The following CRBN variants were observed in gnomAD, a reference collection of about 807,000 sequenced individuals.
CRBN encodes cereblon, also known as protein cereblon.
CRBN carries 53 observed loss-of-function variants against 62.2 expected under a neutral mutation model. The ratio of observed to expected loss-of-function variants is 0.85; its 90% CI spans 0.68 to 1.07. The LOEUF (loss-of-function observed/expected upper bound fraction) is 1.07. Among genes scored for constraint, CRBN ranks in the 50% least tolerant of loss-of-function variants. CRBN has a pLI of 0.00. For synonymous variants in CRBN, 208 were observed against 176.1 expected (o/e 1.18, Z -1.43); for missense variants, 616 against 531.1 (o/e 1.16, Z -1.57).
At chr3:3,155,658 T>C (rs924137321) in intron 6 of CRBN, 1 of 154,180 alleles carries the variant, frequency 6.5e-6, no homozygotes, top group African/African-American at 2.4e-5. Flanking sequence ...CATTAATTAA[T>C]AGACTAATGA....
chr3:3,152,591 A>C lies in CRBN; in HGVS notation c.1017-4T>G, dbSNP rs373107124. On this transcript the variant is annotated splice_polypyrimidine_tract_variant and splice_region_variant and intron_variant, in intron 9 of 10. Transcript: ENST00000231948. ...CATCGGCCCACATAAGGATAAACTA[A>C]AACAAAGAATCAACATGGAGAACAC... 556 of 1,614,082 alleles carry C rather than the reference A, an allele frequency of 3.4e-4. 4 individuals carry two copies. In the South Asian group the frequency reaches 4.9e-3, roughly 14 times the overall value.
chr3:3,159,375 A>G (rs1707043291), intron 5 of CRBN, among the ~76,000 whole-genome samples: 1 of 152,226 alleles, frequency 6.6e-6, no homozygotes, highest in African/African-American at 2.4e-5. Context: ...CACACTCCTC[A>G]TTCAGTTATT....
At chr3:3,155,018 T>C (rs1224214637) in intron 6 of CRBN, 187 bp from the exon 7 acceptor site, 7 of 604,796 alleles carry the variant, frequency 1.2e-5, no homozygotes, top group African/African-American at 5.6e-5. Context: ...CCCAGCACTG[T>C]CTGCCTTCCA....
intron 3 of CRBN, chr3:3,173,805 ATGAT>A: frequency 2.0e-6 from 1 of 508,980 alleles, no homozygotes; most frequent in Non-Finnish European, 3.5e-6. Flanking sequence ...TCAAATATAA[ATGAT>A]TAAAAATTTT....
chr3:3,173,246 C>T (rs965668075), intron 3 of CRBN, among the ~76,000 whole-genome samples: 2 of 151,824 alleles, frequency 1.3e-5, no homozygotes, highest in Admixed American at 6.6e-5. Flanking sequence ...TTAGTAGAGA[C>T]GGGGTTTCAC....
At chr3:3,161,480 C>T (rs575821066) in intron 5 of CRBN, among the ~76,000 whole-genome samples, 5 of 152,260 alleles carry the variant, frequency 3.3e-5, no homozygotes, top group Admixed American at 2.6e-4. Flanking sequence ...AACTCGCCTC[C>T]CGGGTTCCAG....
intron 5 of CRBN, 122 bp from the exon 6 acceptor site, chr3:3,156,403 A>C (rs1706895011): frequency 1.2e-6 from 1 of 814,874 alleles, no homozygotes; most frequent in Non-Finnish European, 2.0e-6. Flanking sequence ...AAAGATAAAA[A>C]ATTTTGTAGA....
At chr3:3,152,617 G>A (rs1431797291) in intron 9 of CRBN, 30 bp from the exon 10 acceptor site, 13 of 1,613,464 alleles carry the variant, frequency 8.1e-6, no homozygotes, top group East Asian at 4.5e-5. Context: ...TGGAGAACAC[G>A]TCAAAACGAG....
chr3:3,153,346 G>C, intron 9 of CRBN, 78 bp downstream of exon 9: 1 of 884,090 alleles, frequency 1.1e-6, no homozygotes, highest in Non-Finnish European at 1.9e-6. Context: ...CTGGAGGAAA[G>C]TTTATGGAAA....
Position 3,178,560 on chromosome 3 carries a change from CTG to C in CRBN, c.67+1059_67+1060del, listed in dbSNP as rs1350788906. 1.4e-3 allele frequency among the ~76,000 whole-genome samples: 210 copies of C among 152,296 alleles called. 2 individuals are homozygous for C. Among genetic ancestry groups the C allele is most frequent in the African/African-American group, 4.8e-3 (200 of 41,548 alleles). On this transcript the variant is annotated intron_variant, in intron 1 of 10. Coordinates refer to ENST00000231948, the MANE Select transcript of CRBN (RefSeq NM_016302.4). Reference sequence around the variant, plus strand: ...CTAAATATGTGCTTTTAGATGTCTCCTGATCTACCTGAAAGGCTTTTTCCCAA... The same window carrying C: ...CTAAATATGTGCTTTTAGATGTCTCCATCTACCTGAAAGGCTTTTTCCCAA...
rs1706515802 is a variant in CRBN at position 3,151,168 on chromosome 3, AT to A, written c.1149-124del. The stretch of plus-strand genomic sequence containing the variant: ...TAAGGATTAGAGATTCTAAGTTGAG[AT>A]TTGATCCATACAGTTCCCTGAAACC... On this transcript the variant is annotated intron_variant, in intron 10 of 10. Transcript: ENST00000231948. The A allele has an allele frequency of 6.8e-6, 7 of 1,035,854 alleles. No individual in the cohort carries two copies. The East Asian group carries it at 1.8e-4, about 27-fold the overall frequency. 64.2% of individuals were successfully genotyped at this position (1,035,854 alleles called of 1,614,324 possible).
chr3:3,156,606 T>C (rs1217213420), intron 5 of CRBN: 1 of 324,726 alleles, frequency 3.1e-6, no homozygotes, highest in Non-Finnish European at 5.7e-6. Flanking sequence ...TAGTTGCCTT[T>C]ATACTAATTA....
chr3:3,173,246 C>CG (rs1559256562), intron 3 of CRBN, among the ~76,000 whole-genome samples: 1 of 151,826 alleles, frequency 6.6e-6, no homozygotes, highest in African/African-American at 2.4e-5. Context: ...TTAGTAGAGA[C>CG]GGGGTTTCAC....
chr3:3,154,190 T>G, intron 7 of CRBN, 115 bp from the exon 8 acceptor site: 1 of 711,110 alleles, frequency 1.4e-6, no homozygotes, highest in South Asian at 1.5e-5. Flanking sequence ...TTACACATTT[T>G]ATACAAGTAT....
At chr3:3,176,754 A>G (rs1375137071) in intron 1 of CRBN, among the ~76,000 whole-genome samples, 1 of 152,244 alleles carries the variant, frequency 6.6e-6, no homozygotes, top group African/African-American at 2.4e-5. Flanking sequence ...GAAACAAAGA[A>G]AATTTTGCAA....
chr3:3,166,911 A>G (rs1480794089), intron 5 of CRBN, among the ~76,000 whole-genome samples: 1 of 151,626 alleles, frequency 6.6e-6, no homozygotes, highest in Non-Finnish European at 1.5e-5. Flanking sequence ...TTTTAAGGTT[A>G]CAGTGGAAAC....
intron 2 of CRBN, among the ~76,000 whole-genome samples, chr3:3,174,909 T>C (rs1707769722): frequency 6.6e-6 from 1 of 152,148 alleles, no homozygotes; most frequent in South Asian, 2.1e-4. Flanking sequence ...TACCTAGAAG[T>C]ACAGAGAAGT....
In CRBN at chr3:3,179,670, A is replaced by G. The variant is rs1259464925; in HGVS notation, c.18T>C (p.Asp6=). MAGEG[D]QQDAAHNMGN... ...CCATGTTGTGCGCAGCGTCCTGCTG[A>G]TCTCCTTCGCCGGCCATGTCTGTTT... The change falls in exon 1 of 11, where the codon GAT becomes GAC. Residue 6 remains aspartate (D), a synonymous_variant. Coordinates refer to ENST00000231948, the MANE Select transcript of CRBN (RefSeq NM_016302.4). 1.2e-6 allele frequency: 2 copies of G among 1,612,862 alleles called. No individual in the cohort carries two copies. Among genetic ancestry groups the G allele is most frequent in the African/African-American group, 2.7e-5 (2 of 74,860 alleles).
chr3:3,179,206 G>A (rs1421583532), intron 1 of CRBN, among the ~76,000 whole-genome samples: 1 of 152,176 alleles, frequency 6.6e-6, no homozygotes, highest in African/African-American at 2.4e-5. Context: ...AGCGTTAACT[G>A]CACGGCTCGT....
Sources: gnomAD v4.1 joint callset for allele counts (sites outside exome capture counted in the v4.1 genomes callset) on GRCh38, gnomAD v4.1.1 for gene constraint, MANE v1.5 for transcripts, NCBI Gene and HGNC (gene_info 2026-07-23, HGNC 2026-07-21) for gene names.